Variants in HOOK1 observed in about 807,000 individuals in gnomAD.
HOOK1 encodes hook microtubule tethering protein 1.
A neutral mutation model predicts 112.8 loss-of-function variants in HOOK1; 60 were observed. The ratio of observed to expected loss-of-function variants is 0.53; its 90% CI spans 0.43 to 0.66. The LOEUF (loss-of-function observed/expected upper bound fraction) is 0.66, where lower values mean the gene tolerates loss of function less well. Among genes scored for constraint, HOOK1 ranks in the 30% least tolerant of loss-of-function variants. The pLI is 0.00. For missense variants in HOOK1, 770 were observed against 856.0 expected (o/e 0.90, Z 1.25); for synonymous variants, 294 against 283.8 (o/e 1.04, Z -0.36).
intron 7 of HOOK1, among the ~76,000 whole-genome samples, chr1:59,838,609 G>A (rs965256383): frequency 1.3e-5 from 2 of 152,136 alleles, no homozygotes; most frequent in African/African-American, 4.8e-5. Context: ...CCCTTTGTCA[G>A]ATGGATAGAT....
In HOOK1 at chr1:59,840,418, A is replaced by G. The variant is rs766695983; in HGVS notation, c.621+27A>G. The G allele has an allele frequency of 1.0e-5, 15 of 1,431,346 alleles. No individual in the cohort carries two copies. The Middle Eastern group carries it at 5.4e-4, about 52-fold the overall frequency. 88.7% of individuals were successfully genotyped at this position (1,431,346 alleles called of 1,614,324 possible). On this transcript the variant is annotated intron_variant, in intron 8 of 21. Transcript: ENST00000371208. ...TACGGGAAAAAACCCTGAGCTGAGA[A>G]AAACTTCCTCTTTAAGTTTACAGAA...
chr1:59,847,323 G>T (rs2098404587), intron 10 of HOOK1, 138 bp downstream of exon 10: 2 of 722,200 alleles, frequency 2.8e-6, no homozygotes, highest in Non-Finnish European at 4.4e-6. Context: ...CAGGCTGATA[G>T]TTTTAACTTC....
rs746157591 is a variant in HOOK1 at position 59,833,485 on chromosome 1, G to A, written c.354G>A (p.Gly118=). The A allele has an allele frequency of 6.3e-7, 1 of 1,594,034 alleles. No homozygotes were observed. The highest frequency in any genetic ancestry group is 1.1e-5 in the South Asian group (1 of 88,552). ...AATGTTCAGATCCAGTGGAGCTTGG[G>A]AGGTTGCTCCAGCTTATTTTAGGTT... ...ITECSDPVEL[G]RLLQLILGCA... is the part of the protein sequence containing the mutation. Residue 118 remains glycine (G), a synonymous_variant, in exon 5 of 22, where the codon GGG becomes GGA. Coordinates refer to ENST00000371208, the MANE Select transcript of HOOK1 (RefSeq NM_015888.6).
At chr1:59,860,460 G>T in intron 15 of HOOK1, 132 bp downstream of exon 15, 1 of 736,308 alleles carries the variant, frequency 1.4e-6, no homozygotes. Context: ...TAATATTTTT[G>T]TTAGTAGTCT....
intron 7 of HOOK1, among the ~76,000 whole-genome samples, chr1:59,840,100 A>T (rs1350919145): frequency 6.6e-6 from 1 of 152,128 alleles, no homozygotes. Context: ...CCAGTATTTT[A>T]TTGAGGATTT....
rs117259745 is a variant in HOOK1, at chr1:59,849,503, G to A, written c.1242+320G>A. On this transcript the variant is annotated intron_variant, in intron 12 of 21. Transcript: ENST00000371208. ...TTTATTAAGATTTAATTTACTTACC[G>A]TAAATTTCACCTAAGGTGGTTTTCA... Among the ~76,000 whole-genome samples, 130 of 151,610 alleles carry A rather than the reference G, an allele frequency of 8.6e-4. 2 individuals carry two copies. In the East Asian group the frequency reaches 0.021, roughly 25 times the overall value.
chr1:59,844,099 A>G (rs891063813), intron 9 of HOOK1, among the ~76,000 whole-genome samples: 2 of 151,996 alleles, frequency 1.3e-5, no homozygotes, highest in African/African-American at 2.4e-5. Flanking sequence ...CTCTAATTGT[A>G]CTATACATAT....
At chr1:59,843,068 A>G (rs1052006594) in intron 8 of HOOK1, among the ~76,000 whole-genome samples, 8 of 151,916 alleles carry the variant, frequency 5.3e-5, no homozygotes, top group Admixed American at 2.6e-4. Context: ...AGGTGACATC[A>G]TTCTAAAAAT....
intron 12 of HOOK1, among the ~76,000 whole-genome samples, chr1:59,850,510 A>G (rs555038562): frequency 2.0e-5 from 3 of 151,598 alleles, no homozygotes; most frequent in African/African-American, 7.2e-5. Flanking sequence ...TTTAGCTCAT[A>G]TATTTAGTCT....
chr1:59,850,053 T>G (rs1186347067), intron 12 of HOOK1, among the ~76,000 whole-genome samples: 1 of 151,616 alleles, frequency 6.6e-6, no homozygotes. Context: ...CTTTTTGATT[T>G]TAGCTATCCT....
rs1372884976 is a variant in HOOK1, at chr1:59,876,186, T to G, written c.*3221T>G. 5 of 152,616 alleles carry G rather than the reference T, an allele frequency of 3.3e-5. No homozygotes were observed. The highest frequency in any genetic ancestry group is 6.5e-5 in the Admixed American group (1 of 15,272). 9.5% of individuals were successfully genotyped at this position (152,616 alleles called of 1,614,324 possible). ...GAGTTATTAAATGATGTAGCACAAA[T>G]GTAATGTTTAGCTTATAAAAGGTCC... On this transcript the variant is annotated 3_prime_UTR_variant, in exon 22 of 22. Transcript: ENST00000371208.
intron 11 of HOOK1, 115 bp downstream of exon 11, chr1:59,848,631 G>T: frequency 1.6e-6 from 1 of 645,064 alleles, no homozygotes. Context: ...AATAAGCTAT[G>T]AACTTATTCT....
intron 3 of HOOK1, among the ~76,000 whole-genome samples, chr1:59,830,597 T>C (rs145382446): frequency 1.6e-3 from 239 of 152,282 alleles, no homozygotes; most frequent in African/African-American, 5.5e-3. Flanking sequence ...GTGTTTCATG[T>C]AGACACCTAA....
Position 59,833,344 on chromosome 1 carries a change from A to G in HOOK1, c.274-61A>G, listed in dbSNP as rs553593495. On this transcript the variant is annotated intron_variant, in intron 4 of 21. Coordinates refer to ENST00000371208, the MANE Select transcript of HOOK1 (RefSeq NM_015888.6). ...ATAATTTATTTTCATTGTAATATTAAATGTAGCAAATTCTTTGCAGCCGAC... is the reference window on the plus strand; with the variant it reads ...ATAATTTATTTTCATTGTAATATTAGATGTAGCAAATTCTTTGCAGCCGAC... 1.6e-5 allele frequency: 20 copies of G among 1,218,770 alleles called. No individual in the cohort carries two copies. The South Asian group carries it at 2.3e-4, about 14-fold the overall frequency. The allele number at this position is 1,218,770 out of a possible 1,614,324, so 75.5% of individuals were successfully genotyped here.
chr1:59,854,021 TA>T (rs2098408793), intron 12 of HOOK1, among the ~76,000 whole-genome samples: 1 of 25,532 alleles, frequency 3.9e-5, no homozygotes, highest in African/African-American at 1.6e-4. Flanking sequence ...TATATATATA[TA>T]TATATATATA....
chr1:59,835,795 C>T (rs901238330), intron 6 of HOOK1, among the ~76,000 whole-genome samples: 30 of 151,982 alleles, frequency 2.0e-4, no homozygotes, highest in Admixed American at 1.9e-3. Context: ...ACGTAAGAAG[C>T]GTTCACAGTG....
In HOOK1 at chr1:59,872,983, A is replaced by G. The variant is rs1038933194; in HGVS notation, c.*18A>G. The G allele has an allele frequency of 5.6e-6, 8 of 1,437,230 alleles. No individual in the cohort carries two copies. The highest frequency in any genetic ancestry group is 7.4e-6 in the Non-Finnish European group (8 of 1,081,832). 89.0% of individuals were successfully genotyped at this position (1,437,230 alleles called of 1,614,324 possible). On this transcript the variant is annotated 3_prime_UTR_variant, in exon 22 of 22. Transcript: ENST00000371208. ...CTGATTAAACTGCAAAAAAAACAAA[A>G]CAAAACAAAAAAACCACATAAAATA...
chr1:59,839,095 CTG>C (rs2098399577), intron 7 of HOOK1, among the ~76,000 whole-genome samples: 1 of 152,180 alleles, frequency 6.6e-6, no homozygotes, highest in Non-Finnish European at 1.5e-5. Context: ...GTTTTTGTTA[CTG>C]TAGCCTTGTA....
chr1:59,861,403 A>G (rs2098413539), intron 15 of HOOK1, among the ~76,000 whole-genome samples: 1 of 152,208 alleles, frequency 6.6e-6, no homozygotes, highest in Non-Finnish European at 1.5e-5. Context: ...TTAAACTTAC[A>G]CTCAGTGTCT....
Sources: gnomAD v4.1 joint callset for allele counts (sites outside exome capture counted in the v4.1 genomes callset) on GRCh38, gnomAD v4.1.1 for gene constraint, MANE v1.5 for transcripts, NCBI Gene and HGNC (gene_info 2026-07-23, HGNC 2026-07-21) for gene names.